Variants in UGT1A10 observed in about 807,000 individuals in gnomAD.
UGT1A10 encodes the protein UDP glucuronosyltransferase family 1 member A10.
UGT1A10 carries 49 observed loss-of-function variants against 45.8 expected under a neutral mutation model. That is an observed-to-expected ratio of 1.07 (90% confidence interval 0.85 to 1.36). UGT1A10 has a LOEUF of 1.36. Ranked by LOEUF, UGT1A10 falls within the 40% of genes most tolerant of loss-of-function variation. The pLI is 0.00. For missense variants in UGT1A10, 745 were observed against 668.6 expected (o/e 1.11, Z -1.26); for synonymous variants, 284 against 249.7 (o/e 1.14, Z -1.29).
chr2:233,658,911 T>G (rs2073909938), intron 1 of UGT1A10, among the ~76,000 whole-genome samples: 1 of 152,204 alleles, frequency 6.6e-6, no homozygotes, highest in Non-Finnish European at 1.5e-5. Context: ...TTCAAAGTTG[T>G]TTTTGCTATT....
intron 1 of UGT1A10, among the ~76,000 whole-genome samples, chr2:233,650,263 C>A (rs1241152116): frequency 6.6e-6 from 1 of 152,178 alleles, no homozygotes; most frequent in Non-Finnish European, 1.5e-5. Context: ...AGCCACCGTA[C>A]CTGGCCAAGG....
intron 1 of UGT1A10, among the ~76,000 whole-genome samples, chr2:233,702,234 A>G (rs1420073908): frequency 2.0e-5 from 3 of 152,140 alleles, no homozygotes; most frequent in African/African-American, 7.2e-5. Flanking sequence ...GAATTTGCCT[A>G]TTTCTATGGA....
intron 1 of UGT1A10, chr2:233,691,770 C>T (rs2075056418): frequency 5.4e-6 from 2 of 366,996 alleles, no homozygotes; most frequent in African/African-American, 2.2e-5. Context: ...CTCTAGGATT[C>T]TCACCACGTA....
chr2:233,643,435 G>A (rs988915961), intron 1 of UGT1A10, among the ~76,000 whole-genome samples: 1 of 152,012 alleles, frequency 6.6e-6, no homozygotes, highest in African/African-American at 2.4e-5. Flanking sequence ...CCTGAGACTT[G>A]CCCTTCAAGG....
chr2:233,724,212 T>C (rs2077189500), intron 1 of UGT1A10, among the ~76,000 whole-genome samples: 1 of 120,802 alleles, frequency 8.3e-6, no homozygotes. Context: ...GCTGAGGGGC[T>C]CCTCACTTCC....
At chr2:233,697,192 T>C (rs1038681762) in intron 1 of UGT1A10, among the ~76,000 whole-genome samples, 1 of 152,136 alleles carries the variant, frequency 6.6e-6, no homozygotes, top group Non-Finnish European at 1.5e-5. Context: ...AATTCAGCAG[T>C]GAATCCATCT....
At chr2:233,766,273 TGGCCCGGGCTCG>T (rs1203864514) in intron 1 of UGT1A10, among the ~76,000 whole-genome samples, 2 of 151,808 alleles carry the variant, frequency 1.3e-5, no homozygotes, top group Non-Finnish European at 2.9e-5. Context: ...CCGGGCTCGG[TGGCCCGGGCTCG>T]GTGGCCTGGG....
At chr2:233,768,876 G>A (rs747097900) in intron 4 of UGT1A10, among the ~76,000 whole-genome samples, 6 of 151,968 alleles carry the variant, frequency 3.9e-5, no homozygotes, top group Admixed American at 6.6e-5. Flanking sequence ...GAGCCAGCGC[G>A]TCTGACCTGG....
Position 233,750,687 on chromosome 2 carries a change from G to T in UGT1A10, c.856-16347G>T, listed in dbSNP as rs1349099199. On this transcript the variant is annotated intron_variant, in intron 1 of 4. Coordinates refer to ENST00000344644, the MANE Select transcript of UGT1A10 (RefSeq NM_019075.4). The stretch of plus-strand genomic sequence containing the variant: ...CTGTGTCCCAGTGGCTCCAGCCATG[G>T]CTAAAAGAGGCCAAGGTAGAGCTCA... The T allele has an allele frequency of 2.6e-5, 4 of 151,974 alleles. No individual in the cohort carries two copies. In the South Asian group the frequency reaches 6.2e-4, roughly 24 times the overall value. 9.4% of individuals were successfully genotyped at this position (151,974 alleles called of 1,614,324 possible). A position where few individuals can be genotyped will look rare whatever the true frequency, so the allele number is the denominator to read the frequency against.
At chr2:233,692,959 A>G (rs372856754) in intron 1 of UGT1A10, 275 of 1,607,534 alleles carry the variant, frequency 1.7e-4, no homozygotes, top group Non-Finnish European at 2.3e-4. Context: ...TGTGATTTGG[A>G]GAGTGAAAAC....
At chr2:233,669,793 C>T (rs28970007) in intron 1 of UGT1A10, among the ~76,000 whole-genome samples, 4,619 of 152,254 alleles carry the variant, frequency 0.03, 222 homozygotes, top group African/African-American at 0.1. Context: ...AAGTGATTCT[C>T]CTGCCTCAGC....
At chr2:233,760,542 G>A in intron 1 of UGT1A10, 1 of 1,614,262 alleles carries the variant, frequency 6.2e-7, no homozygotes, top group Non-Finnish European at 8.5e-7. Flanking sequence ...CATTCCAAAG[G>A]GAGGATGTGA....
chr2:233,760,356 G>A (rs1414123680), intron 1 of UGT1A10: 1 of 1,613,940 alleles, frequency 6.2e-7, no homozygotes, highest in Non-Finnish European at 8.5e-7. Context: ...TGGGCCCAGT[G>A]GTGTCCCATG....
chr2:233,744,127 T>G, intron 1 of UGT1A10: 2 of 357,210 alleles, frequency 5.6e-6, no homozygotes, highest in South Asian at 4.6e-5. Context: ...TGAGGCTCTG[T>G]GAGGCCCTGT....
At position 233,713,467 on chromosome 2, in the gene UGT1A10, C is replaced by T. The variant is rs754257180; in HGVS notation, c.856-53567C>T. The T allele has an allele frequency of 3.3e-5, 53 of 1,613,938 alleles. 1 individual carries two copies. Among genetic ancestry groups the T allele is most frequent in the South Asian group, 3.1e-4 (28 of 91,084 alleles). ...ACAGACCCCTTTCACCTCTGCGCGG[C>T]GGTGCTGGCTAAGTACCTGTCGATT... On this transcript the variant is annotated intron_variant, in intron 1 of 4. Coordinates refer to ENST00000344644, the MANE Select transcript of UGT1A10 (RefSeq NM_019075.4).
intron 1 of UGT1A10, among the ~76,000 whole-genome samples, chr2:233,744,910 G>A (rs1048974476): frequency 2.6e-5 from 4 of 151,812 alleles, no homozygotes; most frequent in Non-Finnish European, 5.9e-5. Context: ...AAATCTAGAT[G>A]CTCAAGCTCC....
Position 233,672,089 on chromosome 2 carries a change from G to T in UGT1A10, c.855+34712G>T, listed in dbSNP as rs963277665. 1.9e-6 allele frequency: 3 copies of T among 1,614,006 alleles called. No individual in the cohort carries two copies. The African/African-American group carries it at 4.0e-5, about 22-fold the overall frequency. On this transcript the variant is annotated intron_variant, in intron 1 of 4. Transcript: ENST00000344644. ...GTGGTGGAGAAACTCATTCTCAGGG[G>T]GCATGAGGTGGTTGTAGTCATGCCA...
In UGT1A10 at chr2:233,637,156, G is replaced by A. The variant is rs139087628; in HGVS notation, c.634G>A (p.Val212Met). Residue 212 changes from valine (V) to methionine (M), a missense_variant, in exon 1 of 5, where the codon GTG (valine) becomes ATG (methionine). Val to Met is a conservative substitution (Grantham distance 21). Coordinates refer to ENST00000344644, the MANE Select transcript of UGT1A10 (RefSeq NM_019075.4). The stretch of plus-strand genomic sequence containing the variant: ...CAAGGAGAGAGTATGGAACCACATC[G>A]TGCACTTGGAGGACCATTTATTTTG... ...TFKERVWNHI[V>M]HLEDHLFCQY... The A allele has an allele frequency of 5.5e-5, 89 of 1,613,912 alleles. No homozygotes were observed. The African/African-American group carries it at 6.7e-4, about 12-fold the overall frequency.
intron 1 of UGT1A10, chr2:233,743,987 G>T: frequency 7.8e-7 from 1 of 1,278,832 alleles, no homozygotes; most frequent in South Asian, 1.3e-5. Flanking sequence ...CCAGGCGCAG[G>T]CCCGAGTGCT....
Sources: gnomAD v4.1 joint callset for allele counts (sites outside exome capture counted in the v4.1 genomes callset) on GRCh38, gnomAD v4.1.1 for gene constraint, MANE v1.5 for transcripts, NCBI Gene and HGNC (gene_info 2026-07-23, HGNC 2026-07-21) for gene names.